The following PTK2B variants were observed in gnomAD, a reference collection of about 807,000 sequenced individuals.
PTK2B encodes protein tyrosine kinase 2 beta.
Under a neutral mutation model 142.9 loss-of-function variants are expected in PTK2B, and 71 were observed. That is an observed-to-expected ratio of 0.50 (90% CI 0.41 to 0.61). The LOEUF (loss-of-function observed/expected upper bound fraction) is 0.61. PTK2B is among the 20% of genes least tolerant of loss of function. The pLI is 0.00. For synonymous variants in PTK2B, 519 were observed against 503.4 expected, an observed-to-expected ratio of 1.03 and a Z score of -0.42; for missense variants, 1,105 against 1,320.4, an observed-to-expected ratio of 0.84 and a Z score of 2.53.
In PTK2B at chr8:27,333,732, T is replaced by G. The variant is rs1212754744; in HGVS notation, c.-38+8051T>G. On this transcript the variant is annotated intron_variant, in intron 1 of 30. Transcript: ENST00000346049. Reference sequence around the variant, plus strand: ...CTAGGAGTGTGTTAAATGCCAAGCCTGTCTCAACCTCTATCTGGCAGCACC... The same window carrying G: ...CTAGGAGTGTGTTAAATGCCAAGCCGGTCTCAACCTCTATCTGGCAGCACC... Among the ~76,000 whole-genome samples, 3 of 152,100 alleles carry G rather than the reference T, an allele frequency of 2.0e-5. No homozygotes were observed. The East Asian group carries it at 5.8e-4, about 29-fold the overall frequency.
At chr8:27,399,897 C>G (rs997876320) in intron 2 of PTK2B, among the ~76,000 whole-genome samples, 1 of 152,184 alleles carries the variant, frequency 6.6e-6, no homozygotes, top group Admixed American at 6.5e-5. Context: ...GCTTCAGTCT[C>G]TTCACCCGGG....
At position 27,363,113 on chromosome 8, in the gene PTK2B, T is replaced by C. The variant is rs1328643835; in HGVS notation, c.-37-34435T>C. On this transcript the variant is annotated intron_variant, in intron 1 of 30. Coordinates refer to ENST00000346049, the MANE Select transcript of PTK2B (RefSeq NM_173176.3). The surrounding 1 kb of genome is among the most constrained non-coding windows in gnomAD (Gnocchi z 4.3). Reference sequence around the variant, plus strand: ...CACTGGCCCTGGGCAAATTCCCTCATTGGAGTAGGGACTAGGACAAGGGCC... The same window carrying C: ...CACTGGCCCTGGGCAAATTCCCTCACTGGAGTAGGGACTAGGACAAGGGCC... Among the ~76,000 whole-genome samples, 4 of 152,118 alleles carry C rather than the reference T, an allele frequency of 2.6e-5. No homozygotes were observed. The highest frequency in any genetic ancestry group is 1.9e-4 in the East Asian group (1 of 5,182).
chr8:27,393,991 T>G (rs933082364), intron 1 of PTK2B, among the ~76,000 whole-genome samples: 2 of 152,138 alleles, frequency 1.3e-5, no homozygotes, highest in African/African-American at 4.8e-5. Flanking sequence ...TTCTCAGAAA[T>G]GCATCATTAG....
intron 30 of PTK2B, among the ~76,000 whole-genome samples, chr8:27,455,689 C>T (rs557492986): frequency 6.6e-6 from 1 of 152,376 alleles, no homozygotes; most frequent in South Asian, 2.1e-4. Flanking sequence ...CCTCTGTAGC[C>T]TCCAGGGAGA....
chr8:27,382,971 G>A (rs1025488159), intron 1 of PTK2B, among the ~76,000 whole-genome samples: 2 of 152,040 alleles, frequency 1.3e-5, no homozygotes, highest in African/African-American at 4.8e-5. Context: ...TAGTATTTTT[G>A]AAATCAGGTA....
At chr8:27,436,138 G>T (rs772615956) in intron 14 of PTK2B, 113 bp from the exon 15 acceptor site, 14 of 1,000,644 alleles carry the variant, frequency 1.4e-5, no homozygotes, top group African/African-American at 3.2e-5. Flanking sequence ...CTGGATCTTG[G>T]CTGAGGTGTT....
At chr8:27,438,096 T>C (rs75872246) in intron 18 of PTK2B, 2 of 520,124 alleles carry the variant, frequency 3.8e-6, no homozygotes. Context: ...TTGTTACGAG[T>C]AACTCTGAAG....
At chr8:27,457,975 CAAAAAA>C (rs11317355) in intron 30 of PTK2B, among the ~76,000 whole-genome samples, 288 of 93,990 alleles carry the variant, frequency 3.1e-3, no homozygotes, top group African/African-American at 6.0e-3. Flanking sequence ...AACTCAGTCT[CAAAAAA>C]AAAAAAAAAA....
At chr8:27,443,039 G>A (rs780739854) in intron 22 of PTK2B, 56 bp downstream of exon 22, 1 of 1,366,242 alleles carries the variant, frequency 7.3e-7, no homozygotes, top group Non-Finnish European at 1.0e-6. Context: ...CCAGGTCCCT[G>A]TCTGATCCAT....
intron 1 of PTK2B, among the ~76,000 whole-genome samples, chr8:27,394,040 A>T (rs951292742): frequency 6.6e-6 from 1 of 152,198 alleles, no homozygotes; most frequent in Non-Finnish European, 1.5e-5. Context: ...AGAAACCCAG[A>T]TGCTACAGTC....
upstream of PTK2B, chr8:27,311,254 G>T: frequency 2.0e-6 from 3 of 1,485,624 alleles, no homozygotes; most frequent in South Asian, 4.1e-5. Context: ...CAGCCGGCTC[G>T]GGCGCCCGGA....
In PTK2B at chr8:27,420,684, A is replaced by G. The variant is rs753290777; in HGVS notation, c.411A>G (p.Pro137=). 1 of 1,614,176 alleles carries G rather than the reference A, an allele frequency of 6.2e-7. No homozygotes were observed. The highest frequency in any genetic ancestry group is 8.5e-7 in the Non-Finnish European group (1 of 1,180,000). The change falls in exon 4 of 31, where the codon CCA becomes CCG. Residue 137 remains proline, a synonymous_variant. Transcript: ENST00000346049. ...WRYDLQIRYL[P]EDFMESLKED... is the part of the protein sequence containing the mutation. ...ATGACCTTCAAATCCGCTACTTGCC[A>G]GAAGACTTCATGGAGAGCCTGAAGG...
In PTK2B at chr8:27,458,351, C is replaced by T. The variant is rs763550941; in HGVS notation, c.2872C>T (p.Arg958Trp). 71 of 1,613,974 alleles carry T rather than the reference C, an allele frequency of 4.4e-5. 2 individuals are homozygous for T. In the South Asian group the frequency reaches 5.8e-4, roughly 13 times the overall value. ...KDLAELINKM[R>W]LAQQNAVTSL... ...CCTGGCAGAGCTCATCAACAAGATG[C>T]GGCTGGCACAGCAGAACGCCGTGAC... is the stretch of plus-strand genomic sequence containing the variant. The change falls in exon 31 of 31, where the codon CGG (arginine) becomes TGG (tryptophan). Residue 958 changes from arginine to tryptophan, a missense_variant. Arg to Trp is a moderately radical substitution (Grantham distance 101, BLOSUM62 -3). Transcript: ENST00000346049.
intron 5 of PTK2B, among the ~76,000 whole-genome samples, chr8:27,428,952 T>A (rs990079634): frequency 6.6e-6 from 1 of 152,234 alleles, no homozygotes; most frequent in African/African-American, 2.4e-5. Context: ...GGAGTTTCAC[T>A]CTTGTCACCC....
At chr8:27,388,599 G>C (rs1807517355) in intron 1 of PTK2B, among the ~76,000 whole-genome samples, 1 of 152,226 alleles carries the variant, frequency 6.6e-6, no homozygotes, top group Non-Finnish European at 1.5e-5. Context: ...GTCTGTCGCT[G>C]TTCAGACAGT....
intron 11 of PTK2B, among the ~76,000 whole-genome samples, chr8:27,433,831 G>A (rs1415872358): frequency 1.3e-5 from 2 of 152,214 alleles, no homozygotes; most frequent in Non-Finnish European, 2.9e-5. Flanking sequence ...TAGAAGGCTG[G>A]TCCCGCCTGT....
intron 1 of PTK2B, among the ~76,000 whole-genome samples, chr8:27,346,733 C>T (rs927680158): frequency 2.0e-5 from 3 of 152,244 alleles, no homozygotes; most frequent in African/African-American, 7.2e-5. Flanking sequence ...CAAACTCCTC[C>T]TCATGGAGAA....
In PTK2B at chr8:27,377,662, A is replaced by G. The variant is rs537616072; in HGVS notation, c.-37-19886A>G. ...GAGGCAGGAGAGAAGACAAAGAGCTAGTACACTGTGAGCTCTCTGTCACAT... is the reference window on the plus strand; with the variant it reads ...GAGGCAGGAGAGAAGACAAAGAGCTGGTACACTGTGAGCTCTCTGTCACAT... On this transcript the variant is annotated intron_variant, in intron 1 of 30. Transcript: ENST00000346049. Among the ~76,000 whole-genome samples, 3 of 152,358 alleles carry G rather than the reference A, an allele frequency of 2.0e-5. No homozygotes were observed. In the East Asian group the frequency reaches 5.8e-4, roughly 29 times the overall value.
intron 3 of PTK2B, among the ~76,000 whole-genome samples, chr8:27,319,642 TCAAA>T (rs1420806573): frequency 4.3e-5 from 1 of 23,150 alleles, no homozygotes; most frequent in African/African-American, 1.3e-4. Context: ...AGACTCTGTC[TCAAA>T]AAAAAAAAAA....
Sources: allele counts gnomAD v4.1 joint callset (sites outside exome capture counted in the v4.1 genomes callset), GRCh38; gene constraint gnomAD v4.1.1; non-coding constraint Gnocchi (gnomAD v3.1); transcripts MANE v1.5; gene names NCBI Gene and HGNC (gene_info 2026-07-23, HGNC 2026-07-21).